WWTR1: variants seen among roughly 807,000 people sequenced by gnomAD.
The protein encoded by WWTR1 is WW domain containing transcription regulator 1.
A neutral mutation model predicts 40.1 loss-of-function variants in WWTR1; 13 were observed. The ratio of observed to expected loss-of-function variants is 0.32; its 90% CI spans 0.21 to 0.52. The LOEUF is 0.52. Ranked by LOEUF, WWTR1 falls within the 20% of genes least tolerant of loss-of-function variation. The pLI is 0.97. For missense variants in WWTR1, 436 were observed against 523.1 expected, an observed-to-expected ratio of 0.83 and a Z score of 1.63; for synonymous variants, 230 against 210.1, an observed-to-expected ratio of 1.09 and a Z score of -0.82.
intron 3 of WWTR1, among the ~76,000 whole-genome samples, chr3:149,547,946 A>ACACACG (rs780509497): frequency 1.4e-5 from 2 of 147,884 alleles, no homozygotes; most frequent in Non-Finnish European, 3.0e-5. Flanking sequence ...GGAAAAAATC[A>ACACACG]CACACACACA....
rs559453733 is a variant in WWTR1, at chr3:149,627,845, G to C, written c.431+29031C>G. 2.0e-5 allele frequency among the ~76,000 whole-genome samples: 3 copies of C among 152,124 alleles called. No homozygotes were observed. The South Asian group carries it at 6.2e-4, about 32-fold the overall frequency. On this transcript the variant is annotated intron_variant, in intron 2 of 6. Transcript: ENST00000360632. ...CCCAGCACTTTGGGAGGCCGAGAAG[G>C]GGCAGATCACCAGAGGTCGGGAGCT... is the stretch of plus-strand genomic sequence containing the variant.
intron 1 of WWTR1, among the ~76,000 whole-genome samples, chr3:149,681,153 C>G (rs13082329): frequency 0.3 from 45,625 of 152,112 alleles, 7,162 homozygotes; most frequent in Admixed American, 0.39. Flanking sequence ...CCCACATTTT[C>G]TCTAACTTCG....
chr3:149,656,974 C>T lies in WWTR1; in HGVS notation c.333G>A (p.Ala111=). ...GAAGSPAQQH[A]HLRQQSYDVT... ...CGTCGTAGGACTGCTGGCGGAGGTGCGCGTGCTGCTGCGCGGGGCTACCCG... is the reference window on the plus strand; with the variant it reads ...CGTCGTAGGACTGCTGGCGGAGGTGTGCGTGCTGCTGCGCGGGGCTACCCG... Residue 111 remains alanine, a synonymous_variant, in exon 2 of 7, where the codon GCG becomes GCA. Coordinates refer to ENST00000360632, the MANE Select transcript of WWTR1 (RefSeq NM_015472.6). 2 of 1,598,492 alleles carry T rather than the reference C, an allele frequency of 1.3e-6. No individual in the cohort carries two copies. The highest frequency in any genetic ancestry group is 1.7e-6 in the Non-Finnish European group (2 of 1,176,396).
At chr3:149,676,244 C>T (rs1439757560) in intron 1 of WWTR1, among the ~76,000 whole-genome samples, 3 of 113,670 alleles carry the variant, frequency 2.6e-5, no homozygotes, top group Non-Finnish European at 5.3e-5. Flanking sequence ...ATTCTGATTT[C>T]CCCAAAAAGA....
chr3:149,547,093 C>T (rs1736397510), intron 3 of WWTR1, among the ~76,000 whole-genome samples: 1 of 151,850 alleles, frequency 6.6e-6, no homozygotes, highest in African/African-American at 2.4e-5. Context: ...GCAGAGGAGG[C>T]CTAAGGCAGA....
intron 3 of WWTR1, 152 bp downstream of exon 3, chr3:149,572,712 T>C: frequency 1.1e-6 from 1 of 900,560 alleles, no homozygotes; most frequent in Non-Finnish European, 1.6e-6. Context: ...CCAGGCACAG[T>C]GGTTCATGCC....
chr3:149,620,571 C>CCA (rs397809916), intron 2 of WWTR1, among the ~76,000 whole-genome samples: 3 of 130,282 alleles, frequency 2.3e-5, no homozygotes, highest in Admixed American at 7.7e-5. Context: ...CGCTCCCCCC[C>CCA]ACACACACAC....
intron 2 of WWTR1, among the ~76,000 whole-genome samples, chr3:149,593,388 C>CT (rs549589219): frequency 0.012 from 1,768 of 144,458 alleles, 47 homozygotes; most frequent in Admixed American, 0.06. Flanking sequence ...AGTTTTCTTT[C>CT]TTTTTTTTTT....
At chr3:149,576,724 T>C (rs914353074) in intron 2 of WWTR1, among the ~76,000 whole-genome samples, 1 of 152,170 alleles carries the variant, frequency 6.6e-6, no homozygotes, top group Non-Finnish European at 1.5e-5. Context: ...TTTATGGTGA[T>C]ATATGCAAAT....
intron 3 of WWTR1, among the ~76,000 whole-genome samples, chr3:149,557,084 T>TTTTTC (rs1736864398): frequency 3.9e-5 from 5 of 128,300 alleles, no homozygotes; most frequent in African/African-American, 1.3e-4. Context: ...TTTTTTTTTT[T>TTTTTC]TTTTGAGACA....
intron 5 of WWTR1, among the ~76,000 whole-genome samples, chr3:149,709,328 T>C (rs1715421665): frequency 1.3e-5 from 2 of 152,052 alleles, no homozygotes; most frequent in South Asian, 2.1e-4. Context: ...TGTTAACTCA[T>C]TGTGGTTTTG....
intron 3 of WWTR1, among the ~76,000 whole-genome samples, chr3:149,547,589 AG>A (rs1391241348): frequency 5.9e-5 from 9 of 152,114 alleles, no homozygotes; most frequent in Admixed American, 2.0e-4. Flanking sequence ...AGCCGGATTA[AG>A]GGCAGACTGC....
chr3:149,541,786 C>T (rs1321399087), intron 4 of WWTR1, among the ~76,000 whole-genome samples: 1 of 152,132 alleles, frequency 6.6e-6, no homozygotes, highest in Non-Finnish European at 1.5e-5. Context: ...CACCATAGAT[C>T]CCAGGCTTTT....
At chr3:149,539,148 T>C (rs1445584156) in intron 4 of WWTR1, among the ~76,000 whole-genome samples, 1 of 152,034 alleles carries the variant, frequency 6.6e-6, no homozygotes, top group Non-Finnish European at 1.5e-5. Flanking sequence ...GACCAAGGAG[T>C]TGTTTTTTTC....
intron 3 of WWTR1, among the ~76,000 whole-genome samples, chr3:149,559,252 C>A (rs1008821779): frequency 6.9e-6 from 1 of 145,130 alleles, no homozygotes; most frequent in East Asian, 2.0e-4. Context: ...CGAGATCATG[C>A]CACTGCACTC....
chr3:149,608,473 T>C (rs60606744), intron 2 of WWTR1, among the ~76,000 whole-genome samples: 10,984 of 151,700 alleles, frequency 0.072, 1,306 homozygotes, highest in African/African-American at 0.25. Flanking sequence ...GCAACCTCCA[T>C]CTCCTGGGTT....
intron 2 of WWTR1, among the ~76,000 whole-genome samples, chr3:149,666,588 A>G (rs569821008): frequency 6.6e-6 from 1 of 152,340 alleles, no homozygotes; most frequent in Non-Finnish European, 1.5e-5. Flanking sequence ...TATTTATATA[A>G]TATTTTACAG....
At chr3:149,608,925 G>A (rs763578362) in intron 2 of WWTR1, among the ~76,000 whole-genome samples, 4 of 151,916 alleles carry the variant, frequency 2.6e-5, no homozygotes, top group Non-Finnish European at 5.9e-5. Flanking sequence ...AAAAATTAGT[G>A]AGCTGTGGTG....
intron 6 of WWTR1, among the ~76,000 whole-genome samples, chr3:149,524,682 AG>A (rs1735211767): frequency 6.6e-6 from 1 of 152,206 alleles, no homozygotes; most frequent in Admixed American, 6.5e-5. Flanking sequence ...GAAAGACGCC[AG>A]GGGAGCAGCT....
Sources: gnomAD v4.1 joint callset for allele counts (sites outside exome capture counted in the v4.1 genomes callset) on GRCh38, gnomAD v4.1.1 for gene constraint, MANE v1.5 for transcripts, NCBI Gene and HGNC (gene_info 2026-07-23, HGNC 2026-07-21) for gene names.